The following ARHGAP6 variants were observed in gnomAD, a reference collection of about 807,000 sequenced individuals.
ARHGAP6 encodes rho GTPase-activating protein 6.
In ARHGAP6, 16 loss-of-function variants were observed where a neutral mutation model predicts 55.7. That is an observed-to-expected ratio of 0.29 (90% CI 0.19 to 0.44). ARHGAP6 has a LOEUF of 0.44. ARHGAP6 is among the 20% of genes least tolerant of loss of function. The pLI is 1.00. For missense variants in ARHGAP6, 698 were observed against 808.9 expected (o/e 0.86, Z 1.66); for synonymous variants, 382 against 360.9 (o/e 1.06, Z -0.66).
At chrX:11,623,527 T>TAA (rs1169940058) in intron 1 of ARHGAP6, among the ~76,000 whole-genome samples, 2 of 100,374 alleles carry the variant, frequency 2.0e-5, no homozygotes, top group South Asian at 8.9e-4. Context: ...CCGTCTCTAC[T>TAA]AAAAAAAAAA....
intron 2 of ARHGAP6, among the ~76,000 whole-genome samples, chrX:11,235,306 C>CCA (rs1321008036): frequency 8.8e-6 from 1 of 113,147 alleles, no homozygotes; most frequent in Non-Finnish European, 1.9e-5. Context: ...CCCCTTGTAG[C>CCA]CACAGCTGGA....
intron 1 of ARHGAP6, among the ~76,000 whole-genome samples, chrX:11,389,961 AT>A (rs1427213997): frequency 2.7e-5 from 3 of 111,959 alleles, no homozygotes; most frequent in Non-Finnish European, 3.8e-5. Flanking sequence ...CTAGAGAAAG[AT>A]TTACAAATTA....
intron 1 of ARHGAP6, among the ~76,000 whole-genome samples, chrX:11,312,398 A>C (rs1175657830): frequency 8.9e-6 from 1 of 112,103 alleles, no homozygotes; most frequent in Non-Finnish European, 1.9e-5. Flanking sequence ...CCATTATACA[A>C]AAAAACATGG....
intron 1 of ARHGAP6, chrX:11,298,826 G>A: frequency 8.3e-7 from 1 of 1,210,641 alleles, no homozygotes. Context: ...AGCCCATGCA[G>A]CCCCAGCCAC....
intron 1 of ARHGAP6, among the ~76,000 whole-genome samples, chrX:11,418,975 T>C (rs1357263138): frequency 2.7e-5 from 3 of 112,483 alleles, no homozygotes; most frequent in African/African-American, 9.7e-5. Context: ...GGAAATAAAA[T>C]GTTCTGCCCT....
At chrX:11,429,230 TTTCAC>T (rs754009104) in intron 1 of ARHGAP6, among the ~76,000 whole-genome samples, 1 of 112,848 alleles carries the variant, frequency 8.9e-6, no homozygotes, top group Non-Finnish European at 1.9e-5. Context: ...TACTGTAAGA[TTTCAC>T]TTATTTATTC....
intron 2 of ARHGAP6, among the ~76,000 whole-genome samples, chrX:11,201,989 C>CTG (rs56023548): frequency 0.053 from 3,470 of 65,428 alleles, 193 homozygotes; most frequent in East Asian, 0.094. Flanking sequence ...GCATCTGGAT[C>CTG]TGTGTGTGTG....
chrX:11,478,657 A>G (rs1317806358), intron 1 of ARHGAP6, among the ~76,000 whole-genome samples: 12 of 111,763 alleles, frequency 1.1e-4, no homozygotes. Context: ...GCTGTGTTTT[A>G]CTAAATTGTG....
chrX:11,347,739 A>G (rs1055354796), intron 1 of ARHGAP6, among the ~76,000 whole-genome samples: 12 of 112,332 alleles, frequency 1.1e-4, no homozygotes, highest in Non-Finnish European at 2.1e-4. Flanking sequence ...GCTAGCATAC[A>G]GAATAGCTAA....
intron 1 of ARHGAP6, among the ~76,000 whole-genome samples, chrX:11,275,376 G>A (rs2047745474): frequency 8.9e-6 from 1 of 111,836 alleles, no homozygotes. Flanking sequence ...CAATGATTCT[G>A]TGGTTCAAAT....
intron 1 of ARHGAP6, among the ~76,000 whole-genome samples, chrX:11,549,222 C>T (rs942778282): frequency 1.8e-5 from 2 of 111,496 alleles, no homozygotes; most frequent in African/African-American, 3.3e-5. Flanking sequence ...TAAGTAATTC[C>T]ATAAAAATTG....
At chrX:11,648,089 C>G (rs1435551277) in intron 1 of ARHGAP6, among the ~76,000 whole-genome samples, 1 of 111,987 alleles carries the variant, frequency 8.9e-6, no homozygotes, top group Non-Finnish European at 1.9e-5. Context: ...TTCTGATGTT[C>G]TATTGTACAG....
intron 1 of ARHGAP6, among the ~76,000 whole-genome samples, chrX:11,500,415 C>T (rs1038039682): frequency 1.8e-5 from 2 of 110,953 alleles, no homozygotes; most frequent in Admixed American, 1.9e-4. Context: ...AATCCCAGCA[C>T]TTTGTGAGGC....
intron 9 of ARHGAP6, among the ~76,000 whole-genome samples, chrX:11,165,679 A>G (rs1428246970): frequency 8.9e-6 from 1 of 111,909 alleles, no homozygotes; most frequent in Non-Finnish European, 1.9e-5. Context: ...TAAGTGGCTG[A>G]GCAGGGATTT....
chrX:11,624,962 C>T (rs1032405767), intron 1 of ARHGAP6, among the ~76,000 whole-genome samples: 13 of 111,616 alleles, frequency 1.2e-4, no homozygotes, highest in Non-Finnish European at 1.7e-4. Context: ...AATATGATAT[C>T]GTATCAACCA....
chrX:11,585,558 G>T (rs955670149), intron 1 of ARHGAP6, among the ~76,000 whole-genome samples: 18 of 112,443 alleles, frequency 1.6e-4, no homozygotes, highest in Non-Finnish European at 2.6e-4. Flanking sequence ...TCATATGCTT[G>T]TTGGCCACAT....
At chrX:11,406,500 C>T (rs777165230) in intron 1 of ARHGAP6, among the ~76,000 whole-genome samples, 1 of 111,608 alleles carries the variant, frequency 9.0e-6, no homozygotes, top group Admixed American at 9.5e-5. Context: ...CACACACACT[C>T]ACACACAATG....
At chrX:11,553,091 T>G (rs1246826997) in intron 1 of ARHGAP6, among the ~76,000 whole-genome samples, 1 of 111,518 alleles carries the variant, frequency 9.0e-6, no homozygotes, top group Non-Finnish European at 1.9e-5. Flanking sequence ...CAGGGGAACT[T>G]TATGTGTTAT....
chrX:11,282,953 C>T (rs1039983253), intron 1 of ARHGAP6, among the ~76,000 whole-genome samples: 5 of 112,295 alleles, frequency 4.5e-5, no homozygotes, highest in African/African-American at 1.6e-4. Context: ...CAAATTATCA[C>T]AAGGTAGTAT....
Sources: gnomAD v4.1 joint callset for allele counts (sites outside exome capture counted in the v4.1 genomes callset) on GRCh38, gnomAD v4.1.1 for gene constraint, MANE v1.5 for transcripts, NCBI Gene and HGNC (gene_info 2026-07-23, HGNC 2026-07-21) for gene names.